ENDOV: variants seen among roughly 807,000 people sequenced by gnomAD.
The protein encoded by ENDOV is hEndoV.
ENDOV carries 37 observed loss-of-function variants against 39.4 expected under a neutral mutation model. The ratio of observed to expected loss-of-function variants is 0.94; its 90% CI spans 0.72 to 1.23. The LOEUF (loss-of-function observed/expected upper bound fraction) is 1.23, where lower values mean the gene tolerates loss of function less well. ENDOV is among the 50% of genes most tolerant of loss of function. The pLI is 0.00. For synonymous variants in ENDOV, 186 were observed against 163.4 expected (o/e 1.14, Z -1.05); for missense variants, 441 against 375.7 (o/e 1.17, Z -1.44).
At chr17:80,431,839 G>C (rs1166636948) in intron 9 of ENDOV, among the ~76,000 whole-genome samples, 2 of 152,238 alleles carry the variant, frequency 1.3e-5, no homozygotes, top group Admixed American at 6.5e-5. Flanking sequence ...CTTGGAAAGG[G>C]AGAGGCAGCA....
chr17:80,419,933 C>A lies in ENDOV; in HGVS notation c.229-1895C>A, dbSNP rs907936695. The A allele has an allele frequency of 8.5e-6, 4 of 473,284 alleles. No homozygotes were observed. The Admixed American group carries it at 1.4e-4, about 17-fold the overall frequency. The allele number at this position is 473,284 out of a possible 1,614,324, so 29.3% of individuals were successfully genotyped here. On this transcript the variant is annotated intron_variant, in intron 2 of 9. Transcript: ENST00000518137. ...TGAGATTGCTGGTCATCCAGACCTG[C>A]CCCCTACGCTAATCATACAGTGATT... is the stretch of plus-strand genomic sequence containing the variant.
At position 80,433,169 on chromosome 17, in the gene ENDOV, G is replaced by A. The variant is rs190577600; in HGVS notation, c.839-2964G>A. On this transcript the variant is annotated intron_variant, in intron 9 of 9. Transcript: ENST00000518137. ...ATTAGAAGCACAGTGTGGAAGCTGG[G>A]CAGAGCTGGCTGAGATCCCACTGTC... 3 of 520,012 alleles carry A rather than the reference G, an allele frequency of 5.8e-6. No homozygotes were observed. In the African/African-American group the frequency reaches 5.8e-5, roughly 10 times the overall value. 32.2% of individuals were successfully genotyped at this position (520,012 alleles called of 1,614,324 possible). A position where few individuals can be genotyped will look rare whatever the true frequency, so the allele number is the denominator to read the frequency against.
intron 1 of ENDOV, 186 bp from the exon 2 acceptor site, chr17:80,415,464 C>A (rs41298660): frequency 1.3e-5 from 13 of 997,668 alleles, no homozygotes; most frequent in African/African-American, 1.1e-4. Flanking sequence ...GTTTGTCTGG[C>A]CTGCGCTTGC....
At chr17:80,421,492 G>C (rs1032706363) in intron 2 of ENDOV, among the ~76,000 whole-genome samples, 1 of 148,096 alleles carries the variant, frequency 6.8e-6, no homozygotes, top group Non-Finnish European at 1.5e-5. Flanking sequence ...CCGGGTCCCA[G>C]GGGGCTGCTG....
rs897097768 is a variant in ENDOV, at chr17:80,430,175, C to T, written c.838+344C>T. On this transcript the variant is annotated intron_variant, in intron 9 of 9. Transcript: ENST00000518137. ...GTCATCGGCTGGTCAGCTGTGGTCACGGTGCCTCAGAGGACAGATCTCTAT... is the reference window on the plus strand; with the variant it reads ...GTCATCGGCTGGTCAGCTGTGGTCATGGTGCCTCAGAGGACAGATCTCTAT... 2.1e-5 allele frequency: 31 copies of T among 1,493,752 alleles called. No individual in the cohort carries two copies. In the African/African-American group the frequency reaches 2.9e-4, roughly 14 times the overall value. 92.5% of individuals were successfully genotyped at this position (1,493,752 alleles called of 1,614,324 possible). A position where few individuals can be genotyped will look rare whatever the true frequency, so the allele number is the denominator to read the frequency against.
chr17:80,424,831 T>G (rs539974586), intron 5 of ENDOV, among the ~76,000 whole-genome samples: 1 of 152,164 alleles, frequency 6.6e-6, no homozygotes, highest in African/African-American at 2.4e-5. Flanking sequence ...GGCACATGCC[T>G]GTAGTCCCAG....
intron 3 of ENDOV, 101 bp downstream of exon 3, chr17:80,422,063 CAT>C: frequency 6.4e-7 from 1 of 1,557,848 alleles, no homozygotes; most frequent in Non-Finnish European, 8.7e-7. Flanking sequence ...GGGAGAGACT[CAT>C]GAGCTTCCTG....
chr17:80,422,355 G>GC (rs1203808901), intron 4 of ENDOV, 110 bp downstream of exon 4: 40 of 1,343,134 alleles, frequency 3.0e-5, no homozygotes, highest in Middle Eastern at 2.3e-4. Flanking sequence ...TCTGCCGCCA[G>GC]CCCCCTCCAA....
In ENDOV at chr17:80,437,083, C is replaced by G. The variant is rs2083617373; in HGVS notation, c.*940C>G. ...CTCTGAGAACGTCCCTGCCTTCACT[C>G]CTGCTTTTAGTCACTGGCATCTTCT... On this transcript the variant is annotated 3_prime_UTR_variant, in exon 10 of 10. Coordinates refer to ENST00000518137, the MANE Select transcript of ENDOV (RefSeq NM_173627.5). 3 of 152,704 alleles carry G rather than the reference C, an allele frequency of 2.0e-5. No individual in the cohort carries two copies. The highest frequency in any genetic ancestry group is 7.2e-5 in the African/African-American group (3 of 41,444). 9.5% of individuals were successfully genotyped at this position (152,704 alleles called of 1,614,324 possible).
intron 4 of ENDOV, among the ~76,000 whole-genome samples, chr17:80,422,890 CG>C (rs1162979379): frequency 1.3e-5 from 2 of 152,162 alleles, no homozygotes; most frequent in Non-Finnish European, 2.9e-5. Context: ...TTAGGAGAGA[CG>C]GGGTTTCACG....
At chr17:80,417,346 T>G (rs948811025) in intron 2 of ENDOV, 7 of 152,274 alleles carry the variant, frequency 4.6e-5, no homozygotes, top group African/African-American at 1.7e-4. Flanking sequence ...GGGCTCAGTT[T>G]AGACATGACG....
rs376139066 is a variant in ENDOV, at chr17:80,425,554, C to T, written c.648C>T (p.Ser216=). Residue 216 remains serine, a synonymous_variant, in exon 7 of 10, where the codon AGC becomes AGT. Transcript: ENST00000518137. ...ACATCTCCGTGGGCCACAGGATGAG[C>T]CTGGAGGCCGCTGTGCGCCTGACTT... ...PLYISVGHRM[S]LEAAVRLTCC... is the part of the protein sequence containing the mutation. 8 of 1,593,652 alleles carry T rather than the reference C, an allele frequency of 5.0e-6. No homozygotes were observed. The African/African-American group carries it at 8.0e-5, about 16-fold the overall frequency.
In ENDOV at chr17:80,437,875, C is replaced by G. The variant is rs932729271; in HGVS notation, c.*1732C>G. The G allele has an allele frequency of 6.6e-6, 1 of 152,134 alleles. No homozygotes were observed. The highest frequency in any genetic ancestry group is 1.5e-5 in the Non-Finnish European group (1 of 68,032). The allele number at this position is 152,134 out of a possible 1,614,324, so 9.4% of individuals were successfully genotyped here. A position where few individuals can be genotyped will look rare whatever the true frequency, so the allele number is the denominator to read the frequency against. On this transcript the variant is annotated 3_prime_UTR_variant, in exon 10 of 10. Coordinates refer to ENST00000518137, the MANE Select transcript of ENDOV (RefSeq NM_173627.5). ...ACCAGAAGTGCTCTTATGCCCAAACCTTGATGTGATTCTGCTGTAATGTAA... is the reference window on the plus strand; with the variant it reads ...ACCAGAAGTGCTCTTATGCCCAAACGTTGATGTGATTCTGCTGTAATGTAA...
Position 80,422,202 on chromosome 17 carries a change from A to G in ENDOV, c.364-4A>G. Reference sequence around the variant, plus strand: ...TGACTGTGACTCTCCCTGTGGCTCCATAGGTCCTTCTTGTGGATGGAAACG... The same window carrying G: ...TGACTGTGACTCTCCCTGTGGCTCCGTAGGTCCTTCTTGTGGATGGAAACG... On this transcript the variant is annotated splice_polypyrimidine_tract_variant and splice_region_variant and intron_variant, in intron 3 of 9. Transcript: ENST00000518137. The G allele has an allele frequency of 6.2e-7, 1 of 1,613,602 alleles. No individual in the cohort carries two copies. Among genetic ancestry groups the G allele is most frequent in the Non-Finnish European group, 8.5e-7 (1 of 1,179,802 alleles).
At chr17:80,428,791 C>A in intron 8 of ENDOV, 131 bp downstream of exon 8, 1 of 835,754 alleles carries the variant, frequency 1.2e-6, no homozygotes, top group Non-Finnish European at 1.9e-6. Context: ...CCAGGGAAGG[C>A]AGGGGACACA....
chr17:80,425,358 C>A, intron 6 of ENDOV, 134 bp from the exon 7 acceptor site: 1 of 1,325,918 alleles, frequency 7.5e-7, no homozygotes, highest in Non-Finnish European at 1.0e-6. Context: ...CAGGCCCTGG[C>A]CCCTGAGAGC....
chr17:80,426,804 C>G (rs1018874459), intron 7 of ENDOV, among the ~76,000 whole-genome samples: 2 of 152,224 alleles, frequency 1.3e-5, no homozygotes, highest in African/African-American at 2.4e-5. Flanking sequence ...GAGTTGGCAG[C>G]GGGGCGCCCG....
At position 80,433,228 on chromosome 17, in the gene ENDOV, G is replaced by A. The variant is rs1001756383; in HGVS notation, c.839-2905G>A. 93 of 519,920 alleles carry A rather than the reference G, an allele frequency of 1.8e-4. 1 individual carries two copies. The East Asian group carries it at 2.2e-3, about 12-fold the overall frequency. The allele number at this position is 519,920 out of a possible 1,614,324, so 32.2% of individuals were successfully genotyped here. A position where few individuals can be genotyped will look rare whatever the true frequency, so the allele number is the denominator to read the frequency against. ...GCTGGCCTTGAGCAAAGCTCAAAACGCATCCCACAGGGGTCAGTACCTGCC... is the reference window on the plus strand; with the variant it reads ...GCTGGCCTTGAGCAAAGCTCAAAACACATCCCACAGGGGTCAGTACCTGCC... On this transcript the variant is annotated intron_variant, in intron 9 of 9. Coordinates refer to ENST00000518137, the MANE Select transcript of ENDOV (RefSeq NM_173627.5).
chr17:80,425,080 T>G lies in ENDOV; in HGVS notation c.565T>G (p.Ser189Ala), dbSNP rs1033354172. Residue 189 changes from serine to alanine, a missense_variant, in exon 6 of 10, where the codon TCT becomes GCT. Ser to Ala is a moderately conservative substitution (Grantham distance 99). Transcript: ENST00000518137. ...AGACTCATTCCCTCTGCTGGGAGAC[T>G]CTGGGACTGTCCTGGGAATGGTGAG... ...RGDSFPLLGD[S>A]GTVLGMALRS... 3.7e-6 allele frequency: 6 copies of G among 1,610,666 alleles called. No individual in the cohort carries two copies. Among genetic ancestry groups the G allele is most frequent in the Non-Finnish European group, 5.1e-6 (6 of 1,178,534 alleles).
Sources: allele counts gnomAD v4.1 joint callset (sites outside exome capture counted in the v4.1 genomes callset), GRCh38; gene constraint gnomAD v4.1.1; transcripts MANE v1.5; gene names NCBI Gene and HGNC (gene_info 2026-07-23, HGNC 2026-07-21).